Variants in CDH19 observed in about 807,000 individuals in gnomAD.
CDH19 encodes the protein cadherin 19.
A neutral mutation model predicts 64.2 loss-of-function variants in CDH19; 67 were observed. The ratio of observed to expected loss-of-function variants is 1.04; its 90% confidence interval spans 0.86 to 1.28. The LOEUF (loss-of-function observed/expected upper bound fraction) is 1.28. CDH19 is among the 50% of genes most tolerant of loss of function. CDH19 has a pLI of 0.00. For synonymous variants in CDH19, 346 were observed against 319.3 expected (o/e 1.08, Z -0.89); for missense variants, 1,030 against 929.0 (o/e 1.11, Z -1.41).
intron 8 of CDH19, among the ~76,000 whole-genome samples, chr18:66,531,096 C>A (rs941820637): frequency 6.6e-6 from 1 of 152,122 alleles, no homozygotes; most frequent in East Asian, 1.9e-4. Context: ...TGTAAACCGA[C>A]TCTAGCAATG....
intron 1 of CDH19, among the ~76,000 whole-genome samples, chr18:66,580,288 G>T (rs1351537037): frequency 6.6e-6 from 1 of 151,924 alleles, no homozygotes; most frequent in African/African-American, 2.4e-5. Context: ...AGTAGCAGTT[G>T]TATTTTACTA....
At chr18:66,545,003 G>C in intron 5 of CDH19, 100 bp from the exon 6 acceptor site, 1 of 902,362 alleles carries the variant, frequency 1.1e-6, no homozygotes, top group Non-Finnish European at 1.6e-6. Context: ...TTTCGAGACG[G>C]AGTCTCATTC....
chr18:66,574,614 A>C (rs1274765064), intron 1 of CDH19, among the ~76,000 whole-genome samples: 2 of 151,736 alleles, frequency 1.3e-5, no homozygotes, highest in African/African-American at 4.8e-5. Flanking sequence ...AGACAATTTC[A>C]AACATTCTCA....
intron 11 of CDH19, among the ~76,000 whole-genome samples, chr18:66,508,735 C>A (rs1051647516): frequency 6.5e-5 from 6 of 92,428 alleles, no homozygotes; most frequent in African/African-American, 2.5e-4. Flanking sequence ...CAAGAACATG[C>A]ATAAACAGAT....
intron 9 of CDH19, among the ~76,000 whole-genome samples, chr18:66,519,663 T>C (rs1050398907): frequency 6.6e-6 from 1 of 152,146 alleles, no homozygotes; most frequent in Admixed American, 6.5e-5. Context: ...AGAAAACAAA[T>C]GTTTATTGCA....
chr18:66,566,694 G>A, intron 3 of CDH19, among the ~76,000 whole-genome samples: 1 of 151,698 alleles, frequency 6.6e-6, no homozygotes, highest in Middle Eastern at 3.2e-3. Context: ...CATTACACAC[G>A]GTTGAGGGAT....
At chr18:66,551,356 T>A (rs981242734) in intron 4 of CDH19, 98 bp from the exon 5 acceptor site, 20 of 709,032 alleles carry the variant, frequency 2.8e-5, no homozygotes, top group Non-Finnish European at 4.9e-5. Flanking sequence ...TTTTGCTATA[T>A]GTTGAACCAC....
intron 7 of CDH19, 78 bp downstream of exon 7, chr18:66,543,893 A>C: frequency 9.0e-7 from 1 of 1,114,404 alleles, no homozygotes; most frequent in Non-Finnish European, 1.3e-6. Flanking sequence ...AATTAAAAAA[A>C]AGATTGCATG....
chr18:66,602,656 A>G (rs1599052027), intron 1 of CDH19, among the ~76,000 whole-genome samples: 1 of 152,026 alleles, frequency 6.6e-6, no homozygotes, highest in South Asian at 2.1e-4. Context: ...TCAGATATTT[A>G]TATAATGATA....
chr18:66,505,062 G>C lies in CDH19; in HGVS notation c.2069C>G (p.Pro690Arg), dbSNP rs765694248. The change falls in exon 12 of 12, where the codon CCC (proline) becomes CGC (arginine). Residue 690 changes from proline (P) to arginine (R), a missense_variant. Pro to Arg is a moderately radical substitution (Grantham distance 103). Coordinates refer to ENST00000262150, the MANE Select transcript of CDH19 (RefSeq NM_021153.4). ...SLYRQSLQVG[P>R]DSAIFRKFIL... The stretch of plus-strand genomic sequence containing the variant: ...GAATTTCCTGAATATGGCACTGTCG[G>C]GGCCAACTTGCAAAGACTGCCTGTA... The C allele has an allele frequency of 6.2e-7, 1 of 1,613,596 alleles. No individual in the cohort carries two copies. The highest frequency in any genetic ancestry group is 1.3e-5 in the African/African-American group (1 of 74,880).
At chr18:66,542,440 C>T (rs1002266572) in intron 7 of CDH19, among the ~76,000 whole-genome samples, 1 of 152,030 alleles carries the variant, frequency 6.6e-6, no homozygotes, top group African/African-American at 2.4e-5. Context: ...ACGTAACAAG[C>T]TTTGGTTTTT....
intron 9 of CDH19, among the ~76,000 whole-genome samples, chr18:66,527,531 G>A (rs886485806): frequency 6.6e-6 from 1 of 151,990 alleles, no homozygotes; most frequent in African/African-American, 2.4e-5. Flanking sequence ...GGCAGATCAC[G>A]AGGTCAGGAG....
intron 7 of CDH19, among the ~76,000 whole-genome samples, chr18:66,536,310 A>G (rs1194733944): frequency 6.6e-6 from 1 of 151,760 alleles, no homozygotes; most frequent in Non-Finnish European, 1.5e-5. Flanking sequence ...TATTCAGATA[A>G]GGACTCAATA....
rs142743510 is a variant in CDH19 at position 66,597,479 on chromosome 18, A to T, written c.-113+6475T>A. On this transcript the variant is annotated intron_variant, in intron 1 of 11. Transcript: ENST00000262150. ...GTACAGATTAAATACTTAAATGTAA[A>T]TCCTACAACTATAAACACCCTAGGA... Among the ~76,000 whole-genome samples the T allele has an allele frequency of 8.5e-3, 1,298 of 152,232 alleles. 20 individuals are homozygous for T. Among genetic ancestry groups the T allele is most frequent in the African/African-American group, 0.024 (999 of 41,542 alleles).
At position 66,520,107 on chromosome 18, in the gene CDH19, C is replaced by T. The variant is rs561430601; in HGVS notation, c.1459-8422G>A. Among the ~76,000 whole-genome samples, 9 of 152,198 alleles carry T rather than the reference C, an allele frequency of 5.9e-5. No individual in the cohort carries two copies. In the South Asian group the frequency reaches 1.9e-3, roughly 32 times the overall value. On this transcript the variant is annotated intron_variant, in intron 9 of 11. Transcript: ENST00000262150. ...GGCTGAGGCAGGAGAATCGCTTGAA[C>T]TCGGGAGGCAGAGGTTGCAGTGAGC...
chr18:66,580,109 G>A (rs542717586), intron 1 of CDH19, among the ~76,000 whole-genome samples: 6 of 151,940 alleles, frequency 3.9e-5, no homozygotes, highest in South Asian at 2.1e-4. Flanking sequence ...ACAGCAATTC[G>A]TACTTTTAAA....
Position 66,502,983 on chromosome 18 carries a change from ATATAT to A in CDH19, c.*1824_*1828del, listed in dbSNP as rs1184998416. ...GTTTAAATTTCAAAGTACCAATAAA[ATATAT>A]TATAACCATTTAACTACTTCATCAA... On this transcript the variant is annotated 3_prime_UTR_variant, in exon 12 of 12. Transcript: ENST00000262150. 2 of 152,022 alleles carry A rather than the reference ATATAT, an allele frequency of 1.3e-5. No homozygotes were observed. Among genetic ancestry groups the A allele is most frequent in the African/African-American group, 2.4e-5 (1 of 41,578 alleles). 9.4% of individuals were successfully genotyped at this position (152,022 alleles called of 1,614,324 possible).
chr18:66,549,483 A>G (rs1294552998), intron 5 of CDH19, among the ~76,000 whole-genome samples: 1 of 152,154 alleles, frequency 6.6e-6, no homozygotes, highest in African/African-American at 2.4e-5. Flanking sequence ...TTCAGAGGCC[A>G]TATTAATGTT....
chr18:66,557,212 A>C (rs1450950922), intron 3 of CDH19, among the ~76,000 whole-genome samples: 3 of 151,912 alleles, frequency 2.0e-5, no homozygotes, highest in Admixed American at 2.0e-4. Context: ...TGTACTCCTT[A>C]CACACACCTG....
Sources: gnomAD v4.1 joint callset for allele counts (sites outside exome capture counted in the v4.1 genomes callset) on GRCh38, gnomAD v4.1.1 for gene constraint, MANE v1.5 for transcripts, NCBI Gene and HGNC (gene_info 2026-07-23, HGNC 2026-07-21) for gene names.